The following DNAH2 variants were observed in gnomAD, a reference collection of about 807,000 sequenced individuals.
The protein encoded by DNAH2 is axonemal beta dynein heavy chain 2.
DNAH2 carries 323 observed loss-of-function variants against 523.5 expected under a neutral mutation model. That is an observed-to-expected ratio of 0.62 (90% CI 0.56 to 0.68). The LOEUF (loss-of-function observed/expected upper bound fraction) is 0.68, where lower values mean the gene tolerates loss of function less well. Ranked by LOEUF, DNAH2 falls within the 30% of genes least tolerant of loss-of-function variation. The pLI is 0.00. For synonymous variants in DNAH2, 2,093 were observed against 2,177.4 expected (o/e 0.96, Z 1.08); for missense variants, 4,907 against 5,701.5 (o/e 0.86, Z 4.49).
At chr17:7,764,571 C>T in intron 20 of DNAH2, among the ~76,000 whole-genome samples, 1 of 151,568 alleles carries the variant, frequency 6.6e-6, no homozygotes, top group East Asian at 1.9e-4. Context: ...AGTGATTCTC[C>T]TACTTCAGCC....
intron 73 of DNAH2, among the ~76,000 whole-genome samples, chr17:7,822,870 T>A (rs1351217226): frequency 1.3e-5 from 2 of 152,162 alleles, no homozygotes; most frequent in Admixed American, 6.6e-5. Context: ...GTTGGAGACA[T>A]TATTACCAGG....
In DNAH2 at chr17:7,776,108, C is replaced by G. The variant is rs1437101132; in HGVS notation, c.4906C>G (p.Leu1636Val). The G allele has an allele frequency of 6.2e-7, 1 of 1,613,918 alleles. No homozygotes were observed. Among genetic ancestry groups the G allele is most frequent in the African/African-American group, 1.3e-5 (1 of 74,912 alleles). ...CTGCCACCTGGCCCTCAGGAAGTTC[C>G]TCAACAAGAGGGACAAATGGGTGAA... Reference protein sequence around the residue: ...RNCHLALRKFLNKRDKWVKEW... With the variant: ...RNCHLALRKFVNKRDKWVKEW... Residue 1636 changes from leucine (L) to valine (V), a missense_variant, in exon 31 of 86, where the codon CTC (leucine) becomes GTC (valine). By Grantham distance (32) the Leu-to-Val change is conservative. Around this residue, in one of 3 missense-constraint regions of DNAH2, gnomAD observed 2,806 missense variants for 3,190.8 expected, o/e 0.88. Coordinates refer to ENST00000572933, the MANE Select transcript of DNAH2 (RefSeq NM_020877.5).
chr17:7,809,486 C>T (rs886512817), intron 63 of DNAH2, among the ~76,000 whole-genome samples: 4 of 152,194 alleles, frequency 2.6e-5, no homozygotes, highest in African/African-American at 4.8e-5. Context: ...CTGCTACCAC[C>T]GCCACCTCCC....
chr17:7,792,696 T>C lies in DNAH2; in HGVS notation c.7185T>C (p.Thr2395=). 6.2e-7 allele frequency: 1 copy of C among 1,614,180 alleles called. No individual in the cohort carries two copies. The highest frequency in any genetic ancestry group is 8.5e-7 in the Non-Finnish European group (1 of 1,180,014). ...FYKIMVPTVD[T]VRYNYLVSSL... ...AGATCATGGTGCCCACCGTCGACAC[T>C]GTTCGCTACAACTACCTGGTGAGCA... Residue 2395 remains threonine, a synonymous_variant, in exon 47 of 86, where the codon ACT becomes ACC. Transcript: ENST00000572933.
chr17:7,757,250 T>G lies in DNAH2; in HGVS notation c.2051+13T>G. On this transcript the variant is annotated intron_variant, in intron 13 of 85. Coordinates refer to ENST00000572933, the MANE Select transcript of DNAH2 (RefSeq NM_020877.5). ...GAGACTACAATAGGTAGGGCTTCAG[T>G]CCTCACTGCAGCCCTTCAAGATGCT... is the stretch of plus-strand genomic sequence containing the variant. 1 of 1,613,336 alleles carries G rather than the reference T, an allele frequency of 6.2e-7. No individual in the cohort carries two copies. Among genetic ancestry groups the G allele is most frequent in the Non-Finnish European group, 8.5e-7 (1 of 1,179,374 alleles).
At chr17:7,768,708 C>G (rs993121715) in intron 24 of DNAH2, among the ~76,000 whole-genome samples, 1 of 152,160 alleles carries the variant, frequency 6.6e-6, no homozygotes, top group Non-Finnish European at 1.5e-5. Flanking sequence ...ACCTACCACC[C>G]CCAGCCCCTG....
intron 49 of DNAH2, among the ~76,000 whole-genome samples, chr17:7,795,349 C>T (rs1248882551): frequency 2.0e-5 from 3 of 151,996 alleles, no homozygotes; most frequent in Non-Finnish European, 4.4e-5. Context: ...GTTTGTTCCT[C>T]ATGAATATTT....
In DNAH2 at chr17:7,821,269, G is replaced by A. The variant is rs146051088; in HGVS notation, c.11042G>A (p.Arg3681His). The A allele has an allele frequency of 5.0e-5, 81 of 1,613,212 alleles. No homozygotes were observed. The highest frequency in any genetic ancestry group is 6.5e-5 in the Non-Finnish European group (77 of 1,179,628). ...TACACCTGCCGTACCCTTTTCGAAC[G>A]CCACAAACTACTATTCAGTTTTCAT... ...YRYTCRTLFE[R>H]HKLLFSFHMC... The change falls in exon 73 of 86, where the codon CGC (arginine) becomes CAC (histidine). Residue 3681 changes from arginine (R) to histidine (H), a missense_variant. Coordinates refer to ENST00000572933, the MANE Select transcript of DNAH2 (RefSeq NM_020877.5). The surrounding 1 kb of genome is among the most constrained non-coding windows in gnomAD (Gnocchi z 5.0).
chr17:7,770,196 A>G, intron 24 of DNAH2, 56 bp from the exon 25 acceptor site: 1 of 1,520,154 alleles, frequency 6.6e-7, no homozygotes, highest in South Asian at 1.3e-5. Flanking sequence ...AGTGGGAGAC[A>G]GCAATGGAGT....
At position 7,781,034 on chromosome 17, in the gene DNAH2, C is replaced by T. The variant is rs201154765; in HGVS notation, c.6004-8C>T. On this transcript the variant is annotated splice_region_variant and splice_polypyrimidine_tract_variant and intron_variant, in intron 38 of 85. Transcript: ENST00000572933. ...CTCAAGCCTGAGTCTCTGTCTTTTCCCATTCAGGTTCTGCTGCTCTCAATG... is the reference window on the plus strand; with the variant it reads ...CTCAAGCCTGAGTCTCTGTCTTTTCTCATTCAGGTTCTGCTGCTCTCAATG... 2 of 1,613,918 alleles carry T rather than the reference C, an allele frequency of 1.2e-6. No homozygotes were observed. The highest frequency in any genetic ancestry group is 2.7e-5 in the African/African-American group (2 of 75,064).
chr17:7,736,923 A>C (rs1424076331), intron 7 of DNAH2, 144 bp from the exon 8 acceptor site: 1 of 677,182 alleles, frequency 1.5e-6, no homozygotes, highest in Non-Finnish European at 2.4e-6. Context: ...CGGAGGTTGC[A>C]GTGAGCTGAG....
At chr17:7,812,997 A>T (rs2077561791) in intron 63 of DNAH2, among the ~76,000 whole-genome samples, 1 of 151,744 alleles carries the variant, frequency 6.6e-6, no homozygotes, top group African/African-American at 2.4e-5. Context: ...AACAGCAGTA[A>T]GACTACTTGT....
At chr17:7,744,497 G>A (rs1310248295) in intron 12 of DNAH2, among the ~76,000 whole-genome samples, 1 of 152,030 alleles carries the variant, frequency 6.6e-6, no homozygotes, top group Non-Finnish European at 1.5e-5. Context: ...GAGAAGCAGA[G>A]CGGAGTGTCA....
Position 7,778,435 on chromosome 17 carries a change from A to G in DNAH2, c.5507A>G (p.Lys1836Arg), listed in dbSNP as rs80300901. ...VVNCSEGLDY[K>R]SMGRMYSGLA... The stretch of plus-strand genomic sequence containing the variant: ...AACTGCTCTGAGGGCCTGGACTACA[A>G]GTCCATGGGCCGAATGTACTCAGGT... The change falls in exon 35 of 86, where the codon AAG (lysine) becomes AGG (arginine). Residue 1836 changes from lysine (K) to arginine (R), a missense_variant. Lys to Arg is a conservative substitution (Grantham distance 26, BLOSUM62 2). Coordinates refer to ENST00000572933, the MANE Select transcript of DNAH2 (RefSeq NM_020877.5). 2.5e-5 allele frequency: 41 copies of G among 1,614,134 alleles called. No individual in the cohort carries two copies. In the East Asian group the frequency reaches 8.9e-4, roughly 35 times the overall value.
chr17:7,803,730 G>A (rs1311668723), intron 58 of DNAH2, among the ~76,000 whole-genome samples: 1 of 151,530 alleles, frequency 6.6e-6, no homozygotes, highest in Non-Finnish European at 1.5e-5. Context: ...ATCCCAGCAC[G>A]TTGGGAGGCT....
chr17:7,798,546 T>TC lies in DNAH2; in HGVS notation c.8399-7dup. The TC allele has an allele frequency of 1.2e-6, 2 of 1,613,052 alleles. No homozygotes were observed. The highest frequency in any genetic ancestry group is 8.5e-7 in the Non-Finnish European group (1 of 1,179,644). On this transcript the variant is annotated splice_polypyrimidine_tract_variant and intron_variant, in intron 54 of 85. Transcript: ENST00000572933. The surrounding 1 kb of genome is among the most constrained non-coding windows in gnomAD (Gnocchi z 5.5). The stretch of plus-strand genomic sequence containing the variant: ...CTGCAGTGAGTTTGTCCTCCTTCCC[T>TC]CCCCCGGCCAGATATCAAGCGTCTG...
chr17:7,833,414 C>A lies in DNAH2; in HGVS notation c.13165C>A (p.Arg4389=), dbSNP rs9904115. ...YSCPCYYYPN[R]AGSSDRASFV... ...CTGCCCCTGCTATTACTATCCCAACCGGGCAGGCAGCTCAGACCGAGCCTC... is the reference window on the plus strand; with the variant it reads ...CTGCCCCTGCTATTACTATCCCAACAGGGCAGGCAGCTCAGACCGAGCCTC... The change falls in exon 86 of 86, where the codon CGG becomes AGG. Residue 4389 remains arginine (R), a synonymous_variant. Transcript: ENST00000572933. 9.2e-4 allele frequency: 1,490 copies of A among 1,614,168 alleles called. 12 individuals are homozygous for A. The African/African-American group carries it at 0.018, about 19-fold the overall frequency.
intron 42 of DNAH2, chr17:7,787,262 T>A: frequency 1.6e-6 from 1 of 615,640 alleles, no homozygotes; most frequent in Non-Finnish European, 2.8e-6. Flanking sequence ...AAGCACTGTG[T>A]AGGCTTGGGC....
In DNAH2 at chr17:7,801,889, G is replaced by C. The variant is rs1444033663; in HGVS notation, c.8844G>C (p.Lys2948Asn). The part of the protein sequence containing the change: ...DLGTQENIHR[K>N]VAQIFVTMHW... ...GTCACTGGCCTCAGATCCACAGGAA[G>C]GTGGCCCAGATCTTTGTCACTATGC... The change falls in exon 58 of 86, where the codon AAG becomes AAC. Residue 2948 changes from lysine to asparagine, a missense_variant. Coordinates refer to ENST00000572933, the MANE Select transcript of DNAH2 (RefSeq NM_020877.5). 6.2e-7 allele frequency: 1 copy of C among 1,614,092 alleles called. No individual in the cohort carries two copies. Among genetic ancestry groups the C allele is most frequent in the East Asian group, 2.2e-5 (1 of 44,900 alleles).
Sources: gnomAD v4.1 joint callset for allele counts (sites outside exome capture counted in the v4.1 genomes callset) on GRCh38, gnomAD v4.1.1 for gene constraint, gnomAD v4.1.1 regional missense constraint, Gnocchi (gnomAD v3.1) non-coding constraint, MANE v1.5 for transcripts, NCBI Gene and HGNC (gene_info 2026-07-23, HGNC 2026-07-21) for gene names.